The following FOCAD variants were observed in gnomAD, a reference collection of about 807,000 sequenced individuals.
FOCAD encodes KIAA1797.
FOCAD carries 198 observed loss-of-function variants against 225.6 expected under a neutral mutation model. That is an observed-to-expected ratio of 0.88 (90% CI 0.78 to 0.99). FOCAD has a LOEUF of 0.99. Ranked by LOEUF, FOCAD falls within the 50% of genes least tolerant of loss-of-function variation. The pLI is 0.00. For missense variants in FOCAD, 2,713 were observed against 2,123.6 expected (o/e 1.28, Z -5.46); for synonymous variants, 897 against 755.0 (o/e 1.19, Z -3.08).
At chr9:20,664,449 A>G (rs1411371506) in intron 2 of FOCAD, among the ~76,000 whole-genome samples, 1 of 151,756 alleles carries the variant, frequency 6.6e-6, no homozygotes, top group Non-Finnish European at 1.5e-5. Context: ...TCTACTAAGC[A>G]TTTTAAGGGC....
At position 20,961,114 on chromosome 9, in the gene FOCAD, G is replaced by A. The variant is rs143650368; in HGVS notation, c.4132+8049G>A. Among the ~76,000 whole-genome samples, 61 of 151,630 alleles carry A rather than the reference G, an allele frequency of 4.0e-4. 1 individual carries two copies. In the South Asian group the frequency reaches 5.2e-3, roughly 13 times the overall value. On this transcript the variant is annotated intron_variant, in intron 35 of 43. Coordinates refer to ENST00000338382, the MANE Select transcript of FOCAD (RefSeq NM_001375567.1). ...TACCCATCTATGTTTTTTATTAGGC[G>A]TTCTGCTGTAAGAAATGGCTCCTCT...
chr9:20,789,502 C>T lies in FOCAD; in HGVS notation c.1349C>T (p.Ala450Val), dbSNP rs537746068. 17 of 1,613,920 alleles carry T rather than the reference C, an allele frequency of 1.1e-5. No individual in the cohort carries two copies. The East Asian group carries it at 1.3e-4, about 13-fold the overall frequency. Residue 450 changes from alanine to valine, a missense_variant, in exon 11 of 44, where the codon GCG (alanine) becomes GTG (valine). Ala to Val is a moderately conservative substitution (Grantham distance 64). Transcript: ENST00000338382. The part of the protein sequence containing the change: ...SLLPITAVIP[A>V]PAFLLLAHLL... ...CTTCCTATTACTGCTGTGATCCCTG[C>T]GCCTGCCTTTCTTCTGCTGGCTCAC... is the stretch of plus-strand genomic sequence containing the variant.
At position 20,962,417 on chromosome 9, in the gene FOCAD, CACATACAT is replaced by C. The variant is rs60723308; in HGVS notation, c.4132+9384_4132+9391del. Reference sequence around the variant, plus strand: ...CATATATAATATATATATACACACACACATACATACATACATACATACATACATACATA... The same window carrying C: ...CATATATAATATATATATACACACACACATACATACATACATACATACATA... On this transcript the variant is annotated intron_variant, in intron 35 of 43. Coordinates refer to ENST00000338382, the MANE Select transcript of FOCAD (RefSeq NM_001375567.1). Among the ~76,000 whole-genome samples, 88 of 149,194 alleles carry C rather than the reference CACATACAT, an allele frequency of 5.9e-4. 1 individual carries two copies. Among genetic ancestry groups the C allele is most frequent in the South Asian group, 1.5e-3 (7 of 4,682 alleles).
At chr9:20,823,208 G>C in intron 15 of FOCAD, 93 bp downstream of exon 15, 1 of 1,346,386 alleles carries the variant, frequency 7.4e-7, no homozygotes, top group South Asian at 1.4e-5. Flanking sequence ...TCAAATAACT[G>C]AAGTCTGAGT....
At chr9:20,863,542 C>G (rs963655700) in intron 16 of FOCAD, 8 of 152,054 alleles carry the variant, frequency 5.3e-5, no homozygotes, top group Non-Finnish European at 8.8e-5. Flanking sequence ...GGTGCATAAT[C>G]TATATGTAGT....
intron 1 of FOCAD, among the ~76,000 whole-genome samples, chr9:20,706,528 C>T (rs1027909256): frequency 6.6e-6 from 1 of 152,126 alleles, no homozygotes; most frequent in African/African-American, 2.4e-5. Flanking sequence ...TGGAATTGTG[C>T]AGGTCATGCC....
chr9:20,803,632 A>T (rs935785259), intron 11 of FOCAD, among the ~76,000 whole-genome samples: 1 of 152,112 alleles, frequency 6.6e-6, no homozygotes, highest in African/African-American at 2.4e-5. Flanking sequence ...ACAGGACTCT[A>T]TTGAAAGAAG....
intron 18 of FOCAD, among the ~76,000 whole-genome samples, chr9:20,871,665 AC>A (rs1409831421): frequency 6.8e-6 from 1 of 147,438 alleles, no homozygotes; most frequent in African/African-American, 2.5e-5. Context: ...AAAAAAAAAA[AC>A]CAAACACCGC....
chr9:20,727,743 A>G (rs893271108), intron 4 of FOCAD, among the ~76,000 whole-genome samples: 5 of 152,196 alleles, frequency 3.3e-5, no homozygotes, highest in Non-Finnish European at 7.3e-5. Flanking sequence ...CTGATGAATT[A>G]TCTTGTTCAG....
intron 15 of FOCAD, among the ~76,000 whole-genome samples, chr9:20,839,639 A>G (rs1408773322): frequency 4.7e-5 from 7 of 148,142 alleles, no homozygotes; most frequent in African/African-American, 1.5e-4. Context: ...TGAACTATGC[A>G]ATCACTTAAT....
intron 4 of FOCAD, among the ~76,000 whole-genome samples, chr9:20,729,955 A>G (rs539268230): frequency 1.3e-5 from 2 of 152,300 alleles, no homozygotes; most frequent in Admixed American, 6.5e-5. Context: ...ATTATAAATT[A>G]TCTCTCTAAA....
intron 1 of FOCAD, among the ~76,000 whole-genome samples, chr9:20,701,657 G>T (rs763642592): frequency 6.6e-6 from 1 of 152,214 alleles, no homozygotes; most frequent in Non-Finnish European, 1.5e-5. Context: ...TGAAATAAAG[G>T]CATATAACCA....
chr9:20,680,825 T>C (rs1438521544), upstream of FOCAD, among the ~76,000 whole-genome samples: 1 of 152,102 alleles, frequency 6.6e-6, no homozygotes, highest in African/African-American at 2.4e-5. Flanking sequence ...TTTATTAGAA[T>C]GTAGTAGTAG....
Position 20,867,843 on chromosome 9 carries a change from G to C in FOCAD, c.2190+831G>C, listed in dbSNP as rs117381752. ...TGGTGTGAATTCCTTGGGATCCTCA[G>C]GCATTAAAATGGGTTTGCCTTTTTC... On this transcript the variant is annotated intron_variant, in intron 18 of 43. Coordinates refer to ENST00000338382, the MANE Select transcript of FOCAD (RefSeq NM_001375567.1). 9.6e-3 allele frequency among the ~76,000 whole-genome samples: 1,459 copies of C among 152,124 alleles called. 9 individuals carry two copies. The highest frequency in any genetic ancestry group is 0.014 in the Non-Finnish European group (933 of 67,942).
intron 27 of FOCAD, among the ~76,000 whole-genome samples, 169 bp downstream of exon 27, chr9:20,929,765 A>G (rs1179081274): frequency 6.6e-6 from 1 of 152,192 alleles, no homozygotes; most frequent in Non-Finnish European, 1.5e-5. Flanking sequence ...AAATTTATCT[A>G]TCTAAAATAC....
intron 5 of FOCAD, among the ~76,000 whole-genome samples, chr9:20,749,724 C>G (rs1256585408): frequency 6.6e-6 from 1 of 152,162 alleles, no homozygotes; most frequent in African/African-American, 2.4e-5. Flanking sequence ...CAATCTGTGT[C>G]TGTCGCTGAA....
At chr9:20,885,434 AG>A in intron 21 of FOCAD, 1 of 329,910 alleles carries the variant, frequency 3.0e-6, no homozygotes, top group Non-Finnish European at 5.1e-6. Flanking sequence ...CCCACTGCCC[AG>A]CGTATTTATT....
intron 16 of FOCAD, among the ~76,000 whole-genome samples, chr9:20,863,709 G>A (rs1487815454): frequency 2.6e-5 from 4 of 152,134 alleles, no homozygotes; most frequent in Non-Finnish European, 5.9e-5. Context: ...ACAGGCACTT[G>A]CTCTTATATT....
intron 39 of FOCAD, among the ~76,000 whole-genome samples, chr9:20,985,285 A>T (rs1393755408): frequency 6.6e-6 from 1 of 152,230 alleles, no homozygotes; most frequent in African/African-American, 2.4e-5. Context: ...TGAGTTTTGA[A>T]GATCTTCCAA....
Sources: allele counts gnomAD v4.1 joint callset (sites outside exome capture counted in the v4.1 genomes callset), GRCh38; gene constraint gnomAD v4.1.1; transcripts MANE v1.5; gene names NCBI Gene and HGNC (gene_info 2026-07-23, HGNC 2026-07-21).